CDRT15: variants seen among roughly 807,000 people sequenced by gnomAD.
CDRT15 encodes the protein CMT1A duplicated region transcript 15.
CDRT15 carries 9 observed loss-of-function variants against 14.9 expected under a neutral mutation model. The observed-to-expected ratio is 0.60, with a 90% CI of 0.36 to 1.06. The LOEUF (loss-of-function observed/expected upper bound fraction) is 1.06. Among genes scored for constraint, CDRT15 ranks in the 50% least tolerant of loss-of-function variants. The pLI is 0.01. For synonymous variants in CDRT15, 50 were observed against 96.6 expected, an observed-to-expected ratio of 0.52 and a Z score of 2.83; for missense variants, 117 against 235.3, an observed-to-expected ratio of 0.50 and a Z score of 3.29.
At position 14,236,282 on chromosome 17, in the gene CDRT15, C is replaced by G. The variant is rs377339293; in HGVS notation, c.411G>C (p.Thr137=). 3.1e-6 allele frequency: 5 copies of G among 1,611,934 alleles called. No homozygotes were observed. The highest frequency in any genetic ancestry group is 3.4e-6 in the Non-Finnish European group (4 of 1,179,502). Residue 137 remains threonine, a splice_region_variant and synonymous_variant, in exon 2 of 3, where the codon ACG becomes ACC. Transcript: ENST00000420162. Reference sequence around the variant, plus strand: ...TAGGGCTAGTGGCTACAGTACGTGCCGTGATTTCAGGCAGCTCCTCGTTGG... The same window carrying G: ...TAGGGCTAGTGGCTACAGTACGTGCGGTGATTTCAGGCAGCTCCTCGTTGG... ...DQTNEELPEI[T]EVPESIKRRL...
At position 14,236,803 on chromosome 17, in the gene CDRT15, C is replaced by G. The variant is rs1162991535; in HGVS notation, c.31G>C (p.Gly11Arg). 6.2e-7 allele frequency: 1 copy of G among 1,611,340 alleles called. No individual in the cohort carries two copies. Among genetic ancestry groups the G allele is most frequent in the Admixed American group, 1.7e-5 (1 of 59,942 alleles). The change falls in exon 1 of 3, where the codon GGT becomes CGT. Residue 11 changes from glycine to arginine, a missense_variant. By Grantham distance (125) the Gly-to-Arg change is moderately radical (BLOSUM62 -2). Around this residue, in one of 3 missense-constraint regions of CDRT15, gnomAD observed 50 missense variants for 48.8 expected, o/e 1.03. Coordinates refer to ENST00000420162, the MANE Select transcript of CDRT15 (RefSeq NM_001007530.3). ...CTCCCTCCATTCCTGAAGCAGCAAC[C>G]TCTCGAAGTGGGGAAGCAACACGAG... MFSCCFPTSR[G>R]CCFRNGGSES...
Sources: allele counts gnomAD v4.1 joint callset, GRCh38; gene constraint gnomAD v4.1.1; regional missense constraint gnomAD v4.1.1; transcripts MANE v1.5; gene names NCBI Gene and HGNC (gene_info 2026-07-23, HGNC 2026-07-21).